DPYSL5: variants seen among roughly 807,000 people sequenced by gnomAD.
DPYSL5 encodes the protein dihydropyrimidinase like 5, also known as dihydropyrimidinase-related protein 5.
Under a neutral mutation model 58.4 loss-of-function variants are expected in DPYSL5, and 9 were observed. The ratio of observed to expected loss-of-function variants is 0.15; its 90% CI spans 0.09 to 0.27. DPYSL5 has a LOEUF of 0.27. Ranked by LOEUF, DPYSL5 falls within the 10% of genes least tolerant of loss-of-function variation. DPYSL5 has a pLI of 1.00. For missense variants in DPYSL5, 499 were observed against 770.6 expected, an observed-to-expected ratio of 0.65 and a Z score of 4.17; for synonymous variants, 293 against 301.9, an observed-to-expected ratio of 0.97 and a Z score of 0.31.
intron 8 of DPYSL5, among the ~76,000 whole-genome samples, chr2:26,936,507 G>A (rs563822763): frequency 2.8e-4 from 42 of 152,324 alleles, no homozygotes; most frequent in African/African-American, 8.9e-4. Flanking sequence ...TACGCACCAC[G>A]GCATGGGGAT....
intron 1 of DPYSL5, among the ~76,000 whole-genome samples, chr2:26,865,477 C>A (rs1358545790): frequency 1.3e-5 from 2 of 152,030 alleles, no homozygotes; most frequent in African/African-American, 4.8e-5. Context: ...TGCACCACCA[C>A]GCCCAGCTAA....
intron 4 of DPYSL5, 148 bp from the exon 5 acceptor site, chr2:26,928,107 T>G: frequency 1.3e-6 from 1 of 798,476 alleles, no homozygotes. Context: ...CTGCCTTCTT[T>G]AGAAGACGAA....
chr2:26,931,755 C>T, intron 6 of DPYSL5, 71 bp downstream of exon 6: 1 of 1,553,466 alleles, frequency 6.4e-7, no homozygotes, highest in Admixed American at 1.7e-5. Context: ...TGTCTGTAAT[C>T]CCAGCACTTT....
At chr2:26,865,576 G>T (rs1481747977) in intron 1 of DPYSL5, among the ~76,000 whole-genome samples, 2 of 152,052 alleles carry the variant, frequency 1.3e-5, no homozygotes, top group Non-Finnish European at 2.9e-5. Flanking sequence ...GCCTCCCAAG[G>T]TGCTAGTATT....
intron 5 of DPYSL5, among the ~76,000 whole-genome samples, chr2:26,928,548 A>T (rs1282735216): frequency 6.6e-6 from 1 of 150,844 alleles, no homozygotes; most frequent in Non-Finnish European, 1.5e-5. Context: ...TACAAAAAAA[A>T]TTAGCTGGGC....
intron 9 of DPYSL5, 46 bp downstream of exon 9, chr2:26,940,218 C>A (rs768427591): frequency 1.9e-6 from 3 of 1,601,302 alleles, no homozygotes; most frequent in Non-Finnish European, 8.5e-7. Flanking sequence ...TGCTCTAATC[C>A]CCGTTTCATC....
chr2:26,871,516 C>T (rs1663261434), intron 1 of DPYSL5, among the ~76,000 whole-genome samples: 1 of 152,102 alleles, frequency 6.6e-6, no homozygotes, highest in South Asian at 2.1e-4. Context: ...CATCTTGGCT[C>T]ACTGCAGCCT....
intron 8 of DPYSL5, among the ~76,000 whole-genome samples, chr2:26,936,381 A>G (rs1049218963): frequency 5.3e-5 from 8 of 151,818 alleles, no homozygotes; most frequent in African/African-American, 1.9e-4. Context: ...GAAAACTCCC[A>G]CTCCCATCCC....
rs938955786 is a variant in DPYSL5 at position 26,950,014 on chromosome 2, G to A, written c.*3019G>A. The A allele has an allele frequency of 6.6e-6, 1 of 152,464 alleles. No homozygotes were observed. The highest frequency in any genetic ancestry group is 2.4e-5 in the African/African-American group (1 of 41,450). 9.4% of individuals were successfully genotyped at this position (152,464 alleles called of 1,614,324 possible). A position where few individuals can be genotyped will look rare whatever the true frequency, so the allele number is the denominator to read the frequency against. ...TGTGCTACTGTGTGTGCGTGTGCGT[G>A]CGTGTGTGTAGTGCTAGGAGTCCAC... On this transcript the variant is annotated 3_prime_UTR_variant, in exon 13 of 13. Transcript: ENST00000288699. The surrounding 1 kb of genome is among the most constrained non-coding windows in gnomAD (Gnocchi z 5.3).
In DPYSL5 at chr2:26,927,500, C is replaced by T; in HGVS notation, c.600+68C>T. On this transcript the variant is annotated intron_variant, in intron 4 of 12. Coordinates refer to ENST00000288699, the MANE Select transcript of DPYSL5 (RefSeq NM_020134.4). The surrounding 1 kb of genome is among the most constrained non-coding windows in gnomAD (Gnocchi z 4.3). Reference sequence around the variant, plus strand: ...GAGACAGTTAGTTCTCAGGGGATTCCTGACCACCCGTCACTGATCCCACAG... The same window carrying T: ...GAGACAGTTAGTTCTCAGGGGATTCTTGACCACCCGTCACTGATCCCACAG... 1 of 1,554,894 alleles carries T rather than the reference C, an allele frequency of 6.4e-7. No individual in the cohort carries two copies. The highest frequency in any genetic ancestry group is 1.4e-5 in the African/African-American group (1 of 74,024).
intron 2 of DPYSL5, among the ~76,000 whole-genome samples, chr2:26,914,296 A>C (rs983112556): frequency 6.6e-6 from 1 of 152,156 alleles, no homozygotes; most frequent in South Asian, 2.1e-4. Context: ...GCTGGTCTGT[A>C]CCCTTCCGGT....
At chr2:26,922,820 T>G (rs961328239) in intron 2 of DPYSL5, among the ~76,000 whole-genome samples, 7 of 152,304 alleles carry the variant, frequency 4.6e-5, no homozygotes, top group African/African-American at 1.7e-4. Flanking sequence ...AAAGCTACAA[T>G]CTGCACTGCT....
chr2:26,884,777 G>A (rs1663670938), intron 1 of DPYSL5, among the ~76,000 whole-genome samples: 1 of 152,148 alleles, frequency 6.6e-6, no homozygotes, highest in Admixed American at 6.6e-5. Context: ...CCTCTTACTT[G>A]ATCTTAGCCT....
rs780538742 is a variant in DPYSL5 at position 26,907,428 on chromosome 2, T to C, written c.261+8668T>C. 1.4e-3 allele frequency among the ~76,000 whole-genome samples: 214 copies of C among 152,268 alleles called. 1 individual carries two copies. Among genetic ancestry groups the C allele is most frequent in the Admixed American group, 5.6e-3 (85 of 15,290 alleles). ...TGCGCCCAGCCCACATTTACATTTT[T>C]AAAATAAAAAATCACCTTGGCCCCC... is the stretch of plus-strand genomic sequence containing the variant. On this transcript the variant is annotated intron_variant, in intron 2 of 12. Coordinates refer to ENST00000288699, the MANE Select transcript of DPYSL5 (RefSeq NM_020134.4).
intron 2 of DPYSL5, among the ~76,000 whole-genome samples, chr2:26,922,449 T>G (rs1025863431): frequency 1.3e-5 from 2 of 152,250 alleles, no homozygotes; most frequent in African/African-American, 4.8e-5. Context: ...TTCTGTGTAA[T>G]GGTTTTTTAG....
chr2:26,882,897 C>T (rs1201004781), intron 1 of DPYSL5, among the ~76,000 whole-genome samples: 1 of 130,934 alleles, frequency 7.6e-6, no homozygotes, highest in Non-Finnish European at 1.6e-5. Flanking sequence ...GGTGACAGAG[C>T]GAGACTATCT....
chr2:26,932,572 T>C (rs540368572), intron 6 of DPYSL5, among the ~76,000 whole-genome samples: 1 of 152,366 alleles, frequency 6.6e-6, no homozygotes, highest in Admixed American at 6.5e-5. Flanking sequence ...AATAGTTATT[T>C]ATCAATTACT....
At chr2:26,868,387 C>T (rs1362439007) in intron 1 of DPYSL5, among the ~76,000 whole-genome samples, 1 of 152,094 alleles carries the variant, frequency 6.6e-6, no homozygotes, top group Non-Finnish European at 1.5e-5. Context: ...TCTGAGTTTG[C>T]AGACTGAGTT....
At chr2:26,882,270 A>G (rs984633505) in intron 1 of DPYSL5, among the ~76,000 whole-genome samples, 18 of 151,888 alleles carry the variant, frequency 1.2e-4, no homozygotes, top group African/African-American at 4.4e-4. Flanking sequence ...CATTGAGACA[A>G]GGTCTCACTC....
Sources: allele counts gnomAD v4.1 joint callset (sites outside exome capture counted in the v4.1 genomes callset), GRCh38; gene constraint gnomAD v4.1.1; non-coding constraint Gnocchi (gnomAD v3.1); transcripts MANE v1.5; gene names NCBI Gene and HGNC (gene_info 2026-07-23, HGNC 2026-07-21).